Variants in ADAMTS6 observed in about 807,000 individuals in gnomAD.
ADAMTS6 encodes ADAM metallopeptidase with thrombospondin type 1 motif 6.
A neutral mutation model predicts 144.3 loss-of-function variants in ADAMTS6; 23 were observed. The observed-to-expected ratio is 0.16, with a 90% CI of 0.11 to 0.23. The LOEUF is 0.23. Ranked by LOEUF, ADAMTS6 falls within the 10% of genes least tolerant of loss-of-function variation. The probability of loss-of-function intolerance (pLI) is 1.00; values close to 1 mark genes in which losing one functional copy is unlikely to be tolerated. For missense variants in ADAMTS6, 999 were observed against 1,379.6 expected (o/e 0.72, Z 4.37); for synonymous variants, 444 against 457.5 (o/e 0.97, Z 0.38).
chr5:65,302,346 T>C (rs1308156555), intron 9 of ADAMTS6, among the ~76,000 whole-genome samples: 1 of 145,782 alleles, frequency 6.9e-6, no homozygotes, highest in African/African-American at 2.5e-5. Flanking sequence ...ATACATATAA[T>C]ATGTGTATTA....
intron 7 of ADAMTS6, among the ~76,000 whole-genome samples, chr5:65,389,671 TC>T (rs1256951951): frequency 6.6e-6 from 1 of 151,804 alleles, no homozygotes; most frequent in East Asian, 1.9e-4. Flanking sequence ...CATCCTTTTT[TC>T]CCCCCTATAC....
At chr5:65,309,591 T>TACACACACACACACAC (rs149843490) in intron 9 of ADAMTS6, among the ~76,000 whole-genome samples, 4 of 147,204 alleles carry the variant, frequency 2.7e-5, no homozygotes, top group African/African-American at 9.9e-5. Flanking sequence ...CCTGTTATAA[T>TACACACACACACACAC]ACACACACAC....
At chr5:65,195,510 T>C (rs558197072) in intron 21 of ADAMTS6, among the ~76,000 whole-genome samples, 1 of 152,208 alleles carries the variant, frequency 6.6e-6, no homozygotes, top group African/African-American at 2.4e-5. Context: ...GAGTATCACC[T>C]TTAAGATTCA....
intron 24 of ADAMTS6, among the ~76,000 whole-genome samples, chr5:65,166,930 G>A (rs1753204871): frequency 1.4e-5 from 2 of 144,920 alleles, no homozygotes; most frequent in South Asian, 4.6e-4. Context: ...AGAGAAAGCA[G>A]GAAAGATCCA....
At chr5:65,447,821 C>T (rs1049088353) in intron 7 of ADAMTS6, among the ~76,000 whole-genome samples, 1 of 139,298 alleles carries the variant, frequency 7.2e-6, no homozygotes, top group African/African-American at 2.9e-5. Flanking sequence ...TTTTATTATT[C>T]TACTATTAAT....
At chr5:65,460,404 C>G (rs1376759819) in intron 3 of ADAMTS6, 66 bp from the exon 4 acceptor site, 4 of 1,423,990 alleles carry the variant, frequency 2.8e-6, no homozygotes, top group Non-Finnish European at 3.8e-6. Context: ...ATCATTATTA[C>G]CAAGAGCTAA....
At chr5:65,215,208 A>G in intron 19 of ADAMTS6, 116 bp downstream of exon 19, 4 of 1,268,502 alleles carry the variant, frequency 3.2e-6, no homozygotes, top group Non-Finnish European at 4.4e-6. Flanking sequence ...AAATCATTTT[A>G]TCTTTATTTA....
intron 24 of ADAMTS6, among the ~76,000 whole-genome samples, chr5:65,153,607 GA>G (rs1401088230): frequency 6.6e-6 from 1 of 152,168 alleles, no homozygotes; most frequent in Non-Finnish European, 1.5e-5. Flanking sequence ...TTGCCTGACA[GA>G]AAGGAAGCAA....
intron 7 of ADAMTS6, among the ~76,000 whole-genome samples, chr5:65,340,132 T>TC (rs1253523588): frequency 1.3e-5 from 2 of 151,938 alleles, no homozygotes; most frequent in African/African-American, 4.8e-5. Flanking sequence ...GAGAAAAGTG[T>TC]CAAGTCATAT....
intron 7 of ADAMTS6, among the ~76,000 whole-genome samples, chr5:65,450,218 T>C (rs913648887): frequency 1.1e-4 from 16 of 152,208 alleles, no homozygotes; most frequent in African/African-American, 3.9e-4. Context: ...TATATTAATA[T>C]AGAACCATAC....
intron 7 of ADAMTS6, among the ~76,000 whole-genome samples, chr5:65,408,098 C>T (rs1754724944): frequency 6.6e-6 from 1 of 152,086 alleles, no homozygotes. Context: ...AACTAATGGG[C>T]AAAATAACCA....
intron 14 of ADAMTS6, among the ~76,000 whole-genome samples, 196 bp downstream of exon 14, chr5:65,260,404 A>T (rs988877466): frequency 6.6e-6 from 1 of 152,092 alleles, no homozygotes; most frequent in Non-Finnish European, 1.5e-5. Context: ...TGTTCCCAGT[A>T]CTGGAGCTCC....
chr5:65,428,397 C>G (rs1756733732), intron 7 of ADAMTS6, among the ~76,000 whole-genome samples: 1 of 152,080 alleles, frequency 6.6e-6, no homozygotes, highest in Admixed American at 6.6e-5. Flanking sequence ...AAAAGGTTCA[C>G]TAAGAAAGTG....
rs1753817865 is a variant in ADAMTS6, at chr5:65,400,377, T to G, written c.1073+51098A>C. On this transcript the variant is annotated intron_variant, in intron 7 of 24. Coordinates refer to ENST00000381055, the MANE Select transcript of ADAMTS6 (RefSeq NM_197941.4). Reference sequence around the variant, plus strand: ...AGGTACACACTACTGCATATGGCTTTTTCGTTTTTTGTGTTGTTGTAGAAA... The same window carrying G: ...AGGTACACACTACTGCATATGGCTTGTTCGTTTTTTGTGTTGTTGTAGAAA... Among the ~76,000 whole-genome samples the G allele has an allele frequency of 2.6e-5, 4 of 152,106 alleles. No individual in the cohort carries two copies. In the South Asian group the frequency reaches 8.3e-4, roughly 32 times the overall value.
At chr5:65,243,856 T>C (rs975651949) in intron 14 of ADAMTS6, among the ~76,000 whole-genome samples, 1 of 152,118 alleles carries the variant, frequency 6.6e-6, no homozygotes. Flanking sequence ...ACTCTAGCTA[T>C]AAGTTTTCAC....
At chr5:65,349,084 T>C (rs1161200779) in intron 7 of ADAMTS6, among the ~76,000 whole-genome samples, 1 of 152,152 alleles carries the variant, frequency 6.6e-6, no homozygotes, top group Non-Finnish European at 1.5e-5. Context: ...CAGCTTATTT[T>C]GTCTTCCTCA....
At chr5:65,305,771 C>T (rs968680230) in intron 9 of ADAMTS6, among the ~76,000 whole-genome samples, 4 of 152,030 alleles carry the variant, frequency 2.6e-5, no homozygotes, top group African/African-American at 9.7e-5. Context: ...CACACACACA[C>T]ATATGCACAC....
chr5:65,224,906 T>C lies in ADAMTS6; in HGVS notation c.2191+18A>G. On this transcript the variant is annotated intron_variant, in intron 17 of 24. Transcript: ENST00000381055. ...AGTACACCAGAGGTGTGAGGAAGAG[T>C]TCTCTCTACATACTCACCTCCCCTG... The C allele has an allele frequency of 6.2e-7, 1 of 1,600,358 alleles. No individual in the cohort carries two copies.
intron 14 of ADAMTS6, among the ~76,000 whole-genome samples, chr5:65,250,106 T>C (rs1049049310): frequency 2.0e-5 from 3 of 152,226 alleles, no homozygotes; most frequent in Non-Finnish European, 2.9e-5. Context: ...TTAAAAATAC[T>C]TGTCTTTCCT....
Sources: gnomAD v4.1 joint callset for allele counts (sites outside exome capture counted in the v4.1 genomes callset) on GRCh38, gnomAD v4.1.1 for gene constraint, MANE v1.5 for transcripts, NCBI Gene and HGNC (gene_info 2026-07-23, HGNC 2026-07-21) for gene names.